ELOVL5: variants seen among roughly 807,000 people sequenced by gnomAD.
ELOVL5 encodes very long chain fatty acid elongase 5.
Under a neutral mutation model 38.6 loss-of-function variants are expected in ELOVL5, and 8 were observed. That is an observed-to-expected ratio of 0.21 (90% confidence interval 0.12 to 0.37). The LOEUF (loss-of-function observed/expected upper bound fraction) is 0.37. Ranked by LOEUF, ELOVL5 falls within the 10% of genes least tolerant of loss-of-function variation. ELOVL5 has a pLI of 1.00. For synonymous variants in ELOVL5, 127 were observed against 133.7 expected, an observed-to-expected ratio of 0.95 and a Z score of 0.34; for missense variants, 280 against 367.8, an observed-to-expected ratio of 0.76 and a Z score of 1.95.
intron 1 of ELOVL5, among the ~76,000 whole-genome samples, chr6:53,346,703 T>C (rs1769562632): frequency 6.6e-6 from 1 of 152,192 alleles, no homozygotes; most frequent in African/African-American, 2.4e-5. Context: ...GCACCAAAGT[T>C]ACCCTCAAGA....
At chr6:53,285,622 T>C (rs146785484) in intron 3 of ELOVL5, among the ~76,000 whole-genome samples, 56 of 152,336 alleles carry the variant, frequency 3.7e-4, no homozygotes, top group African/African-American at 1.3e-3. Context: ...ATCTTTTTTT[T>C]CTTATAAATA....
intron 1 of ELOVL5, among the ~76,000 whole-genome samples, chr6:53,330,526 T>TC (rs1414743732): frequency 7.1e-6 from 1 of 140,856 alleles, no homozygotes; most frequent in Non-Finnish European, 1.6e-5. Context: ...ACTTTTTTTT[T>TC]TTTTTTTTTT....
intron 1 of ELOVL5, among the ~76,000 whole-genome samples, chr6:53,305,643 G>GAT (rs1376924297): frequency 6.6e-6 from 1 of 151,370 alleles, no homozygotes; most frequent in African/African-American, 2.4e-5. Flanking sequence ...TCCTAGATGG[G>GAT]ATGGCGGCCG....
intron 1 of ELOVL5, among the ~76,000 whole-genome samples, chr6:53,316,554 C>T (rs1768052058): frequency 6.6e-6 from 1 of 151,290 alleles, no homozygotes; most frequent in African/African-American, 2.4e-5. Context: ...ACAGTTGGGG[C>T]GAGAGGCTGA....
chr6:53,306,077 GC>G (rs1767526259), intron 1 of ELOVL5, among the ~76,000 whole-genome samples: 1 of 151,086 alleles, frequency 6.6e-6, no homozygotes, highest in South Asian at 2.1e-4. Context: ...GGCGGCGCGC[GC>G]CTGCAATTGC....
intron 7 of ELOVL5, 28 bp from the exon 8 acceptor site, chr6:53,269,298 C>G (rs756823630): frequency 1.3e-6 from 2 of 1,494,668 alleles, no homozygotes; most frequent in African/African-American, 2.4e-5. Flanking sequence ...AGATGAGAAC[C>G]AAATGACCAC....
At chr6:53,324,244 C>T (rs559944415) in intron 1 of ELOVL5, among the ~76,000 whole-genome samples, 2 of 106,904 alleles carry the variant, frequency 1.9e-5, no homozygotes, top group East Asian at 5.1e-4. Flanking sequence ...CAGAACGAGA[C>T]TCTACCTCAA....
intron 1 of ELOVL5, among the ~76,000 whole-genome samples, chr6:53,296,583 A>G (rs1435168937): frequency 6.6e-6 from 1 of 152,152 alleles, no homozygotes; most frequent in African/African-American, 2.4e-5. Flanking sequence ...AAAAAAAACT[A>G]AAAAAACACT....
At chr6:53,343,333 C>T (rs569523912) in intron 1 of ELOVL5, among the ~76,000 whole-genome samples, 1 of 152,244 alleles carries the variant, frequency 6.6e-6, no homozygotes, top group Admixed American at 6.5e-5. Flanking sequence ...CCACCTCAGC[C>T]TCCCAAGGAG....
At chr6:53,347,606 G>C (rs1769612148) in intron 1 of ELOVL5, among the ~76,000 whole-genome samples, 1 of 152,068 alleles carries the variant, frequency 6.6e-6, no homozygotes, top group Non-Finnish European at 1.5e-5. Context: ...TCCTGCCACG[G>C]GTCCCGCTAT....
chr6:53,330,734 A>G (rs1213332506), intron 1 of ELOVL5, among the ~76,000 whole-genome samples: 1 of 151,946 alleles, frequency 6.6e-6, no homozygotes, highest in African/African-American at 2.4e-5. Context: ...TAATTAACAC[A>G]ACACAAATAC....
At chr6:53,341,782 C>G (rs1769342845) in intron 1 of ELOVL5, among the ~76,000 whole-genome samples, 2 of 152,202 alleles carry the variant, frequency 1.3e-5, no homozygotes, top group South Asian at 4.1e-4. Flanking sequence ...CTTCAATAAA[C>G]ATCCTATATA....
chr6:53,330,625 G>T (rs1340090682), intron 1 of ELOVL5, among the ~76,000 whole-genome samples: 2 of 141,282 alleles, frequency 1.4e-5, no homozygotes, highest in Non-Finnish European at 3.0e-5. Flanking sequence ...GACCTCAAGT[G>T]ATCCTGCCTC....
Position 53,286,876 on chromosome 6 carries a change from A to G in ELOVL5, c.246+4900T>C, listed in dbSNP as rs912824320. 7.9e-5 allele frequency among the ~76,000 whole-genome samples: 12 copies of G among 152,192 alleles called. 1 individual carries two copies. The highest frequency in any genetic ancestry group is 5.2e-4 in the Admixed American group (8 of 15,290). ...TCATGTATACATATATATGTAGTAA[A>G]AATACATCCAGAGAAAAACTGTACA... is the stretch of plus-strand genomic sequence containing the variant. On this transcript the variant is annotated intron_variant, in intron 3 of 7. Coordinates refer to ENST00000304434, the MANE Select transcript of ELOVL5 (RefSeq NM_021814.5).
At chr6:53,313,848 A>G (rs1295926118) in intron 1 of ELOVL5, among the ~76,000 whole-genome samples, 1 of 152,238 alleles carries the variant, frequency 6.6e-6, no homozygotes, top group Admixed American at 6.5e-5. Context: ...CTATGTGACT[A>G]TAGCTTACTG....
intron 1 of ELOVL5, among the ~76,000 whole-genome samples, chr6:53,313,390 T>C (rs1767916077): frequency 1.3e-5 from 2 of 152,262 alleles, no homozygotes; most frequent in African/African-American, 2.4e-5. Context: ...AGATATGACA[T>C]CACTCTGTCT....
intron 1 of ELOVL5, 84 bp from the exon 2 acceptor site, chr6:53,295,791 TTCAAAGAA>T: frequency 1.2e-6 from 1 of 866,916 alleles, no homozygotes; most frequent in Non-Finnish European, 1.7e-6. Context: ...ATAAATTCTT[TTCAAAGAA>T]TATGCTACAG....
chr6:53,286,800 T>C (rs1023507345), intron 3 of ELOVL5, among the ~76,000 whole-genome samples: 41 of 152,366 alleles, frequency 2.7e-4, no homozygotes, highest in Admixed American at 4.6e-4. Flanking sequence ...TTAATTAGTA[T>C]ACCATTCACG....
chr6:53,291,730 T>C, intron 3 of ELOVL5, 46 bp downstream of exon 3: 1 of 1,481,522 alleles, frequency 6.7e-7, no homozygotes, highest in Non-Finnish European at 9.1e-7. Flanking sequence ...GACAGCAATA[T>C]GAGTGCATTT....
Sources: gnomAD v4.1 joint callset for allele counts (sites outside exome capture counted in the v4.1 genomes callset) on GRCh38, gnomAD v4.1.1 for gene constraint, MANE v1.5 for transcripts, NCBI Gene and HGNC (gene_info 2026-07-23, HGNC 2026-07-21) for gene names.